Variants in NAALADL2 observed in about 807,000 individuals in gnomAD.
NAALADL2 encodes N-acetylated alpha-linked acidic dipeptidase like 2, also known as inactive N-acetylated-alpha-linked acidic dipeptidase-like protein 2.
Under a neutral mutation model 87.2 loss-of-function variants are expected in NAALADL2, and 76 were observed. The ratio of observed to expected loss-of-function variants is 0.87; its 90% CI spans 0.72 to 1.05. NAALADL2 has a LOEUF of 1.05. Among genes scored for constraint, NAALADL2 ranks in the 50% least tolerant of loss-of-function variants. NAALADL2 has a pLI of 0.00. For missense variants in NAALADL2, 1,089 were observed against 945.8 expected (o/e 1.15, Z -1.99); for synonymous variants, 354 against 331.0 (o/e 1.07, Z -0.75).
chr3:175,510,230 TG>T (rs1730973999), intron 9 of NAALADL2, among the ~76,000 whole-genome samples: 2 of 152,286 alleles, frequency 1.3e-5, no homozygotes, highest in South Asian at 4.1e-4. Context: ...CTCACTATCA[TG>T]AGCTCACTCA....
chr3:174,929,043 A>G lies in NAALADL2; in HGVS notation c.43+69593A>G, dbSNP rs149453661. On this transcript the variant is annotated intron_variant, in intron 1 of 13. Transcript: ENST00000454872. ...GATTTTATAAGCTGTTATATGGGAG[A>G]TATGCATCTCTTAGGAGATGACATT... Among the ~76,000 whole-genome samples, 811 of 152,296 alleles carry G rather than the reference A, an allele frequency of 5.3e-3. 3 individuals are homozygous for G. Among genetic ancestry groups the G allele is most frequent in the Non-Finnish European group, 7.7e-3 (521 of 68,028 alleles).
At chr3:175,033,921 A>G (rs538068042) in intron 1 of NAALADL2, among the ~76,000 whole-genome samples, 11 of 152,276 alleles carry the variant, frequency 7.2e-5, no homozygotes, top group Middle Eastern at 3.4e-3. Context: ...TCACTTGAAT[A>G]TGTAATAGTA....
At chr3:174,639,169 G>T (rs1418034878) in intron 2 of NAALADL2, among the ~76,000 whole-genome samples, 1 of 152,090 alleles carries the variant, frequency 6.6e-6, no homozygotes, top group Non-Finnish European at 1.5e-5. Flanking sequence ...AATTCCCGTG[G>T]CTAGTTAAGA....
intron 1 of NAALADL2, among the ~76,000 whole-genome samples, chr3:174,508,145 G>A (rs1299865920): frequency 2.9e-5 from 2 of 69,784 alleles, no homozygotes; most frequent in Non-Finnish European, 2.9e-5. Flanking sequence ...ACGAAGTCTT[G>A]CTCTGTTGCC....
intron 2 of NAALADL2, among the ~76,000 whole-genome samples, chr3:174,658,742 A>G (rs1315220563): frequency 6.6e-6 from 1 of 152,210 alleles, no homozygotes; most frequent in East Asian, 1.9e-4. Context: ...AGTATAGACT[A>G]AAAATTCTAA....
At chr3:175,563,974 G>A (rs1404560537) in intron 9 of NAALADL2, among the ~76,000 whole-genome samples, 7 of 152,274 alleles carry the variant, frequency 4.6e-5, no homozygotes, top group East Asian at 3.9e-4. Flanking sequence ...AAGGTTATGC[G>A]ATGATGCTGT....
chr3:175,445,954 C>T (rs778209553), intron 5 of NAALADL2, among the ~76,000 whole-genome samples: 8 of 152,182 alleles, frequency 5.3e-5, no homozygotes, highest in South Asian at 2.1e-4. Flanking sequence ...GCCGAGGGGC[C>T]GGCCTAGGGT....
chr3:175,259,721 A>T (rs1398884041), intron 4 of NAALADL2, among the ~76,000 whole-genome samples: 1 of 152,186 alleles, frequency 6.6e-6, no homozygotes, highest in Non-Finnish European at 1.5e-5. Flanking sequence ...AGCTTTTGAA[A>T]ATTCAGGTTA....
chr3:175,614,445 A>T (rs1300060766), intron 10 of NAALADL2, among the ~76,000 whole-genome samples: 2 of 152,232 alleles, frequency 1.3e-5, no homozygotes, highest in Non-Finnish European at 2.9e-5. Context: ...AGCTTAAATT[A>T]TAATACATAT....
Position 175,321,075 on chromosome 3 carries a change from C to G in NAALADL2, c.940-3100C>G, listed in dbSNP as rs569984892. Among the ~76,000 whole-genome samples the G allele has an allele frequency of 4.1e-3, 620 of 150,570 alleles. 8 individuals carry two copies. The highest frequency in any genetic ancestry group is 0.019 in the South Asian group (90 of 4,734). ...CCAATATCCTTGATGAACATTGATG[C>G]AAAAATCCTCAATAAAATACTGGCA... On this transcript the variant is annotated intron_variant, in intron 4 of 13. Transcript: ENST00000454872.
intron 2 of NAALADL2, among the ~76,000 whole-genome samples, chr3:174,635,040 T>C (rs1722492679): frequency 6.6e-6 from 1 of 152,248 alleles, no homozygotes; most frequent in Non-Finnish European, 1.5e-5. Context: ...AAATGTGATC[T>C]TGCTTCAAAT....
chr3:174,515,058 TGAG>T (rs1719858932), intron 1 of NAALADL2, among the ~76,000 whole-genome samples: 1 of 152,160 alleles, frequency 6.6e-6, no homozygotes, highest in Admixed American at 6.5e-5. Flanking sequence ...ACAAAGATTC[TGAG>T]GGAGCAATTA....
rs376365307 is a variant in NAALADL2, at chr3:175,452,831, A to C, written c.1234+5459A>C. Among the ~76,000 whole-genome samples, 4 of 152,130 alleles carry C rather than the reference A, an allele frequency of 2.6e-5. No homozygotes were observed. The South Asian group carries it at 8.3e-4, about 31-fold the overall frequency. ...GAAGGACTGTTCATCAGGGATCTTAAATGGAGTGAGCGTAGGGGGGAACCT... is the reference window on the plus strand; with the variant it reads ...GAAGGACTGTTCATCAGGGATCTTACATGGAGTGAGCGTAGGGGGGAACCT... On this transcript the variant is annotated intron_variant, in intron 6 of 13. Coordinates refer to ENST00000454872, the MANE Select transcript of NAALADL2 (RefSeq NM_207015.3).
chr3:175,079,468 C>T (rs1717309582), intron 1 of NAALADL2: 2 of 152,064 alleles, frequency 1.3e-5, no homozygotes, highest in African/African-American at 4.8e-5. Context: ...GTTGCTTGTG[C>T]TTTCTGCAAT....
At chr3:175,164,732 C>T (rs1032641674) in intron 2 of NAALADL2, among the ~76,000 whole-genome samples, 7 of 152,116 alleles carry the variant, frequency 4.6e-5, no homozygotes, top group Admixed American at 6.6e-5. Flanking sequence ...GCATGTCAAC[C>T]TATTTTCAAT....
Position 174,556,006 on chromosome 3 carries a change from T to C in NAALADL2, c.-115+5369T>C, listed in dbSNP as rs868083237. Among the ~76,000 whole-genome samples, 402 of 136,866 alleles carry C rather than the reference T, an allele frequency of 2.9e-3. 4 individuals are homozygous for C. The highest frequency in any genetic ancestry group is 9.9e-3 in the African/African-American group (319 of 32,096). 89.8% of individuals were successfully genotyped at this position (136,866 alleles called of 152,430 possible). Reference sequence around the variant, plus strand: ...GTGTGTGTGTGTGTGTGTGTGTGTGTGTGCGCGCACGTGAGTGTGTTTCTT... The same window carrying C: ...GTGTGTGTGTGTGTGTGTGTGTGTGCGTGCGCGCACGTGAGTGTGTTTCTT... On this transcript the variant is annotated intron_variant, in intron 2 of 3. Coordinates refer to the NAALADL2 transcript ENST00000434257.
At chr3:175,255,825 C>A (rs1749836343) in intron 3 of NAALADL2, among the ~76,000 whole-genome samples, 1 of 152,030 alleles carries the variant, frequency 6.6e-6, no homozygotes, top group African/African-American at 2.4e-5. Flanking sequence ...TAATTTGGGG[C>A]CATGTTCTAA....
At chr3:175,366,711 T>A (rs1332531521) in intron 5 of NAALADL2, among the ~76,000 whole-genome samples, 26 of 150,744 alleles carry the variant, frequency 1.7e-4, no homozygotes, top group Non-Finnish European at 3.4e-4. Context: ...GGGTTGTTTG[T>A]TTTTTTCTTG....
chr3:174,532,173 C>T (rs1721308554), intron 1 of NAALADL2, among the ~76,000 whole-genome samples: 1 of 152,094 alleles, frequency 6.6e-6, no homozygotes, highest in Non-Finnish European at 1.5e-5. Context: ...TTTTCAGTTT[C>T]TGGGGGAAGG....
Sources: gnomAD v4.1 joint callset for allele counts (sites outside exome capture counted in the v4.1 genomes callset) on GRCh38, gnomAD v4.1.1 for gene constraint, MANE v1.5 for transcripts, NCBI Gene and HGNC (gene_info 2026-07-23, HGNC 2026-07-21) for gene names.